The following CAST variants were observed in gnomAD, a reference collection of about 807,000 sequenced individuals.
CAST encodes calpastatin, also known as MIR583 host.
CAST carries 76 observed loss-of-function variants against 119.6 expected under a neutral mutation model. The observed-to-expected ratio is 0.64, with a 90% CI of 0.53 to 0.77. CAST has a LOEUF of 0.77. CAST is among the 30% of genes least tolerant of loss of function. CAST has a pLI of 0.00. For missense variants in CAST, 953 were observed against 946.5 expected (o/e 1.01, Z -0.09); for synonymous variants, 319 against 331.6 (o/e 0.96, Z 0.41).
the CAST span, among the ~76,000 whole-genome samples, chr5:96,225,371 T>A: frequency 6.6e-6 from 1 of 152,176 alleles, no homozygotes; most frequent in Non-Finnish European, 1.5e-5. Context: ...CAGTTTTGTG[T>A]TCAAGACGGT....
chr5:96,061,594 G>A, the CAST span, among the ~76,000 whole-genome samples: 4 of 151,972 alleles, frequency 2.6e-5, no homozygotes, highest in East Asian at 1.9e-4. Context: ...GTAGAGTGAC[G>A]TTGTAATATC....
At chr5:96,112,002 A>G in the CAST span, among the ~76,000 whole-genome samples, 1 of 151,214 alleles carries the variant, frequency 6.6e-6, no homozygotes, top group Non-Finnish European at 1.5e-5. Context: ...TATTTTATAT[A>G]GTTTTTTATA....
the CAST span, among the ~76,000 whole-genome samples, chr5:96,343,271 CT>C: frequency 6.6e-6 from 1 of 152,094 alleles, no homozygotes; most frequent in Non-Finnish European, 1.5e-5. Flanking sequence ...CCAAATGGAT[CT>C]CACAATACTG....
At chr5:96,725,734 T>C (rs577509577) in intron 4 of CAST, among the ~76,000 whole-genome samples, 4 of 152,346 alleles carry the variant, frequency 2.6e-5, no homozygotes, top group South Asian at 4.1e-4. Flanking sequence ...AAAATCTTGA[T>C]TGCCAAATTG....
At chr5:95,984,493 AG>A in the CAST span, among the ~76,000 whole-genome samples, 1 of 152,142 alleles carries the variant, frequency 6.6e-6, no homozygotes, top group Admixed American at 6.5e-5. Context: ...GACAAGAAAA[AG>A]TCACTGGAAG....
At chr5:96,660,464 A>G (rs1388352951), upstream of CAST, among the ~76,000 whole-genome samples, 1 of 152,210 alleles carries the variant, frequency 6.6e-6, no homozygotes, top group East Asian at 1.9e-4. Context: ...TCCTTTCACA[A>G]TGTTTTACAT....
chr5:96,697,842 A>C (rs1054950121), intron 3 of CAST, among the ~76,000 whole-genome samples: 2 of 152,282 alleles, frequency 1.3e-5, no homozygotes, highest in Non-Finnish European at 2.9e-5. Flanking sequence ...ATAAATACTA[A>C]CACTTAGGCC....
the CAST span, among the ~76,000 whole-genome samples, chr5:96,012,279 A>G: frequency 1.3e-5 from 2 of 151,884 alleles, no homozygotes; most frequent in African/African-American, 4.8e-5. Context: ...AGTCTTTTAC[A>G]TCATGCATTT....
At chr5:96,028,214 T>C in the CAST span, among the ~76,000 whole-genome samples, 2 of 152,026 alleles carry the variant, frequency 1.3e-5, no homozygotes, top group East Asian at 3.9e-4. Flanking sequence ...AAATTACAGA[T>C]ATAATTACTA....
chr5:96,438,842 A>C, the CAST span, among the ~76,000 whole-genome samples: 1 of 152,188 alleles, frequency 6.6e-6, no homozygotes, highest in Non-Finnish European at 1.5e-5. Context: ...TACTCTCCAA[A>C]TTTATATTTT....
At chr5:96,644,754 C>T (rs1747995119) in intron 1 of CAST, among the ~76,000 whole-genome samples, 2 of 152,276 alleles carry the variant, frequency 1.3e-5, no homozygotes, top group East Asian at 3.9e-4. Context: ...GCGAGTGGAC[C>T]ATTTGAGGTC....
At chr5:96,739,959 G>A in intron 11 of CAST, 79 bp from the exon 12 acceptor site, 1 of 698,750 alleles carries the variant, frequency 1.4e-6, no homozygotes, top group South Asian at 1.8e-5. Flanking sequence ...ATGGAATAGT[G>A]CTTTAGTTTC....
At chr5:96,126,700 T>G in the CAST span, among the ~76,000 whole-genome samples, 1 of 152,152 alleles carries the variant, frequency 6.6e-6, no homozygotes, top group Non-Finnish European at 1.5e-5. Context: ...AGTTATTTGT[T>G]TATCTCCATG....
At chr5:96,123,079 G>A in the CAST span, among the ~76,000 whole-genome samples, 1 of 151,750 alleles carries the variant, frequency 6.6e-6, no homozygotes, top group East Asian at 1.9e-4. Flanking sequence ...GGTTGTTGTT[G>A]TTTTATTGTG....
At chr5:95,967,234 T>C in the CAST span, among the ~76,000 whole-genome samples, 2 of 152,056 alleles carry the variant, frequency 1.3e-5, no homozygotes, top group African/African-American at 4.8e-5. Context: ...AAGAATGATT[T>C]TGATAATTAA....
At chr5:96,259,469 C>T in the CAST span, among the ~76,000 whole-genome samples, 1 of 152,172 alleles carries the variant, frequency 6.6e-6, no homozygotes, top group Admixed American at 6.5e-5. Context: ...GCAGTTATCA[C>T]CTAAAACAAG....
the CAST span, among the ~76,000 whole-genome samples, chr5:96,362,629 C>G: frequency 6.6e-6 from 1 of 152,176 alleles, no homozygotes; most frequent in South Asian, 2.1e-4. Context: ...GCATAAATGT[C>G]TTCTTTTCAG....
At chr5:96,058,287 G>T in the CAST span, among the ~76,000 whole-genome samples, 1 of 152,142 alleles carries the variant, frequency 6.6e-6, no homozygotes, top group Non-Finnish European at 1.5e-5. Flanking sequence ...ATTGGCTGAG[G>T]CAGGGGAATA....
chr5:96,321,193 A>G, the CAST span, among the ~76,000 whole-genome samples: 1 of 152,046 alleles, frequency 6.6e-6, no homozygotes, highest in Admixed American at 6.6e-5. Flanking sequence ...TGTGGTGGAG[A>G]CTGTCCTGTG....
Sources: gnomAD v4.1 joint callset for allele counts (sites outside exome capture counted in the v4.1 genomes callset) on GRCh38, gnomAD v4.1.1 for gene constraint, MANE v1.5 for transcripts, NCBI Gene and HGNC (gene_info 2026-07-23, HGNC 2026-07-21) for gene names.